The following SLC4A8 variants were observed in gnomAD, a reference collection of about 807,000 sequenced individuals.
SLC4A8 encodes the protein solute carrier family 4 member 8, also known as electroneutral sodium bicarbonate exchanger 1.
SLC4A8 carries 40 observed loss-of-function variants against 125.0 expected under a neutral mutation model. The ratio of observed to expected loss-of-function variants is 0.32; its 90% CI spans 0.25 to 0.42. The LOEUF is 0.42. Ranked by LOEUF, SLC4A8 falls within the 10% of genes least tolerant of loss-of-function variation. The pLI, the probability that SLC4A8 is intolerant of heterozygous loss-of-function variation, is 1.00. For missense variants in SLC4A8, 863 were observed against 1,355.1 expected (o/e 0.64, Z 5.70); for synonymous variants, 456 against 476.0 (o/e 0.96, Z 0.55).
chr12:51,439,560 C>T (rs1469786738), intron 1 of SLC4A8, among the ~76,000 whole-genome samples: 1 of 150,566 alleles, frequency 6.6e-6, no homozygotes, highest in Non-Finnish European at 1.5e-5. Context: ...AATGGTAGTT[C>T]CAGGAAGAGA....
intron 3 of SLC4A8, among the ~76,000 whole-genome samples, chr12:51,451,298 G>A (rs1183742643): frequency 1.3e-5 from 2 of 152,102 alleles, no homozygotes; most frequent in South Asian, 2.1e-4. Flanking sequence ...TAGCCTGGAC[G>A]GTCTGGATCT....
At chr12:51,391,797 G>T (rs12322423) in intron 1 of SLC4A8, 74,009 of 152,300 alleles carry the variant, frequency 0.49, 18,247 homozygotes, top group East Asian at 0.55. Context: ...CCGGCGGACC[G>T]GCAGAGGGGC....
chr12:51,463,037 C>G (rs1950387418), intron 10 of SLC4A8: 1 of 152,800 alleles, frequency 6.5e-6, no homozygotes, highest in African/African-American at 2.4e-5. Context: ...TTTCTTGTGA[C>G]TACATTGTAT....
At chr12:51,430,955 T>A (rs1359269693) in intron 1 of SLC4A8, among the ~76,000 whole-genome samples, 3 of 152,228 alleles carry the variant, frequency 2.0e-5, no homozygotes, top group African/African-American at 7.2e-5. Context: ...AACACAAATT[T>A]ATCCTACAGT....
chr12:51,439,530 G>A (rs1949527547), intron 1 of SLC4A8, among the ~76,000 whole-genome samples: 1 of 151,918 alleles, frequency 6.6e-6, no homozygotes, highest in Admixed American at 6.6e-5. Context: ...GGGGGCAGGT[G>A]GTGGGAGTGG....
intron 3 of SLC4A8, among the ~76,000 whole-genome samples, chr12:51,451,668 G>A (rs942837758): frequency 1.3e-4 from 19 of 151,970 alleles, no homozygotes; most frequent in African/African-American, 4.1e-4. Flanking sequence ...GAATAAGTGT[G>A]TGTGTGTGAG....
Position 51,488,694 on chromosome 12 carries a change from C to G in SLC4A8, c.2287-5C>G. 6.2e-7 allele frequency: 1 copy of G among 1,611,472 alleles called. No individual in the cohort carries two copies. The highest frequency in any genetic ancestry group is 8.5e-7 in the Non-Finnish European group (1 of 1,178,464). ...AATACAAAAATAATATATTTTCCCC[C>G]TTAGCCAACAAGGGATGATCGCGGA... On this transcript the variant is annotated splice_polypyrimidine_tract_variant and splice_region_variant and intron_variant, in intron 17 of 24. Transcript: ENST00000453097.
intron 1 of SLC4A8, among the ~76,000 whole-genome samples, chr12:51,392,610 GA>G (rs1409508034): frequency 6.7e-6 from 1 of 148,842 alleles, no homozygotes; most frequent in Non-Finnish European, 1.5e-5. Flanking sequence ...GAAAAGAAAA[GA>G]AATGGGCCCC....
chr12:51,468,358 A>G (rs1312065826), intron 11 of SLC4A8, among the ~76,000 whole-genome samples: 2 of 152,244 alleles, frequency 1.3e-5, no homozygotes, highest in Admixed American at 6.5e-5. Context: ...TCCATTCATT[A>G]TACTACCACA....
intron 2 of SLC4A8, among the ~76,000 whole-genome samples, chr12:51,444,601 T>C (rs1429684608): frequency 6.6e-6 from 1 of 152,190 alleles, no homozygotes; most frequent in East Asian, 1.9e-4. Flanking sequence ...TATTATTCAC[T>C]CAGCAAACAT....
At chr12:51,488,045 A>G (rs1206998401) in intron 17 of SLC4A8, among the ~76,000 whole-genome samples, 1 of 152,234 alleles carries the variant, frequency 6.6e-6, no homozygotes, top group Non-Finnish European at 1.5e-5. Flanking sequence ...TTCTCTCTAC[A>G]CAGAGGTTTG....
chr12:51,419,282 C>T (rs1261558577), intron 1 of SLC4A8, among the ~76,000 whole-genome samples: 3 of 152,174 alleles, frequency 2.0e-5, no homozygotes, highest in Non-Finnish European at 2.9e-5. Flanking sequence ...TTACAAATGT[C>T]GGGTATTGAA....
At chr12:51,490,657 C>G (rs1351271880) in intron 19 of SLC4A8, among the ~76,000 whole-genome samples, 1 of 151,416 alleles carries the variant, frequency 6.6e-6, no homozygotes, top group Non-Finnish European at 1.5e-5. Flanking sequence ...CTAGTCAGGC[C>G]CTTAGGTGGG....
At chr12:51,458,505 T>C (rs1232068234) in intron 6 of SLC4A8, 54 bp from the exon 7 acceptor site, 1 of 1,271,752 alleles carries the variant, frequency 7.9e-7, no homozygotes, top group Non-Finnish European at 1.2e-6. Context: ...GTGGGATGTG[T>C]CAGAAGGGGA....
intron 6 of SLC4A8, among the ~76,000 whole-genome samples, chr12:51,457,775 G>C (rs969345183): frequency 6.6e-6 from 1 of 152,136 alleles, no homozygotes; most frequent in Non-Finnish European, 1.5e-5. Context: ...TTATGCCCCA[G>C]GGTGGCCTCA....
intron 2 of SLC4A8, among the ~76,000 whole-genome samples, chr12:51,445,892 C>T (rs1273450138): frequency 3.3e-5 from 5 of 152,038 alleles, no homozygotes; most frequent in African/African-American, 1.2e-4. Flanking sequence ...AGACTTTGTT[C>T]TGTTCACTAT....
chr12:51,435,206 G>C (rs1949364004), intron 1 of SLC4A8, among the ~76,000 whole-genome samples: 1 of 152,186 alleles, frequency 6.6e-6, no homozygotes, highest in Admixed American at 6.5e-5. Context: ...TACAATGTCT[G>C]ATTGTCTCTC....
chr12:51,467,864 A>C (rs1004072234), intron 11 of SLC4A8, among the ~76,000 whole-genome samples: 25 of 152,354 alleles, frequency 1.6e-4, no homozygotes, highest in African/African-American at 6.0e-4. Flanking sequence ...CTCTTTAATT[A>C]GGACATTAAA....
At chr12:51,398,445 T>C (rs979700360) in intron 1 of SLC4A8, among the ~76,000 whole-genome samples, 77 of 152,286 alleles carry the variant, frequency 5.1e-4, no homozygotes, top group African/African-American at 1.8e-3. Flanking sequence ...GTGCCCAAGA[T>C]CTGTCCTTTC....
Sources: gnomAD v4.1 joint callset for allele counts (sites outside exome capture counted in the v4.1 genomes callset) on GRCh38, gnomAD v4.1.1 for gene constraint, MANE v1.5 for transcripts, NCBI Gene and HGNC (gene_info 2026-07-23, HGNC 2026-07-21) for gene names.